KAT6A: variants seen among roughly 807,000 people sequenced by gnomAD.
KAT6A encodes lysine acetyltransferase 6A.
Under a neutral mutation model 198.4 loss-of-function variants are expected in KAT6A, and 9 were observed. The ratio of observed to expected loss-of-function variants is 0.05; its 90% CI spans 0.03 to 0.08. KAT6A has a LOEUF of 0.08. Among genes scored for constraint, KAT6A ranks in the 10% least tolerant of loss-of-function variants. KAT6A has a pLI of 1.00. For missense variants in KAT6A, 2,077 were observed against 2,509.9 expected (o/e 0.83, Z 3.69); for synonymous variants, 890 against 883.0 (o/e 1.01, Z -0.14).
chr8:42,011,035 C>T (rs78995461), intron 2 of KAT6A, among the ~76,000 whole-genome samples: 500 of 152,280 alleles, frequency 3.3e-3, no homozygotes, highest in Non-Finnish European at 5.7e-3. Flanking sequence ...ATTCCCAGAT[C>T]AGTTGTCCCC....
chr8:42,018,604 T>C (rs1325048074), intron 2 of KAT6A, among the ~76,000 whole-genome samples: 2 of 152,140 alleles, frequency 1.3e-5, no homozygotes, highest in African/African-American at 4.8e-5. Flanking sequence ...AAATTATATG[T>C]ATCAACACTT....
chr8:41,967,916 C>G (rs368375434), intron 8 of KAT6A, among the ~76,000 whole-genome samples: 114 of 151,832 alleles, frequency 7.5e-4, no homozygotes, highest in Middle Eastern at 3.4e-3. Flanking sequence ...AAACTGGCTA[C>G]CCATATGTAG....
intron 2 of KAT6A, among the ~76,000 whole-genome samples, chr8:42,018,827 C>T (rs985838853): frequency 2.0e-5 from 3 of 151,262 alleles, no homozygotes; most frequent in Non-Finnish European, 3.0e-5. Flanking sequence ...AGGCTGAGGC[C>T]GGAGAATAGC....
chr8:42,014,446 A>G (rs1452185486), intron 2 of KAT6A, among the ~76,000 whole-genome samples: 2 of 152,240 alleles, frequency 1.3e-5, no homozygotes, highest in Non-Finnish European at 2.9e-5. Flanking sequence ...AAGATAAAAT[A>G]CCAGTTAAAT....
chr8:41,979,016 T>C (rs905520170), intron 5 of KAT6A, among the ~76,000 whole-genome samples: 3 of 152,306 alleles, frequency 2.0e-5, no homozygotes, highest in South Asian at 2.1e-4. Flanking sequence ...CTGACTGCAC[T>C]TGAAGTCCAC....
In KAT6A at chr8:41,932,458, G is replaced by A; in HGVS notation, c.5762C>T (p.Ala1921Val). 6.2e-7 allele frequency: 1 copy of A among 1,614,204 alleles called. No homozygotes were observed. Among genetic ancestry groups the A allele is most frequent in the Non-Finnish European group, 8.5e-7 (1 of 1,180,018 alleles). ...VNSMNMNTLN[A>V]MNSYRMTQPM... ...CTGTGTCATTCGATAGCTGTTCATG[G>A]CATTCAAGGTGTTCATATTCATGGA... The change falls in exon 17 of 17, where the codon GCC becomes GTC. Residue 1921 changes from alanine to valine, a missense_variant. By Grantham distance (64) the Ala-to-Val change is moderately conservative. Coordinates refer to ENST00000265713, the MANE Select transcript of KAT6A (RefSeq NM_006766.5).
At chr8:42,035,385 G>A (rs1046388591) in intron 2 of KAT6A, among the ~76,000 whole-genome samples, 5 of 152,158 alleles carry the variant, frequency 3.3e-5, no homozygotes, top group African/African-American at 7.2e-5. Flanking sequence ...CAAGTCCAGA[G>A]ATCAGAAGAG....
In KAT6A at chr8:41,970,089, T is replaced by A. The variant is rs1823709424; in HGVS notation, c.1482+4615A>T. Reference sequence around the variant, plus strand: ...GTTTGTAAGTACAGTTTTATTTTTATGAGTGTTTATTATCTGTCTGTTTGT... The same window carrying A: ...GTTTGTAAGTACAGTTTTATTTTTAAGAGTGTTTATTATCTGTCTGTTTGT... On this transcript the variant is annotated intron_variant, in intron 8 of 16. Transcript: ENST00000265713. Among the ~76,000 whole-genome samples the A allele has an allele frequency of 2.1e-5, 3 of 143,722 alleles. No individual in the cohort carries two copies. The South Asian group carries it at 7.0e-4, about 33-fold the overall frequency. 94.3% of individuals were successfully genotyped at this position (143,722 alleles called of 152,430 possible).
chr8:42,010,046 C>T (rs367938588), intron 2 of KAT6A, among the ~76,000 whole-genome samples: 2 of 152,000 alleles, frequency 1.3e-5, no homozygotes, highest in East Asian at 3.8e-4. Context: ...CACCTGTAAT[C>T]GCAGCACTTT....
At chr8:42,042,134 A>G (rs1450129777) in intron 2 of KAT6A, among the ~76,000 whole-genome samples, 1 of 152,134 alleles carries the variant, frequency 6.6e-6, no homozygotes, top group Non-Finnish European at 1.5e-5. Context: ...CTAAATCAAA[A>G]CTTCATCACT....
intron 8 of KAT6A, among the ~76,000 whole-genome samples, chr8:41,972,895 T>C (rs557820615): frequency 6.6e-6 from 1 of 152,342 alleles, no homozygotes; most frequent in Non-Finnish European, 1.5e-5. Context: ...ACTGCCTCCT[T>C]TCAGTTCCCA....
intron 2 of KAT6A, among the ~76,000 whole-genome samples, chr8:42,033,743 A>G (rs1827242534): frequency 6.6e-6 from 1 of 151,882 alleles, no homozygotes; most frequent in African/African-American, 2.4e-5. Context: ...TGCTTTACCT[A>G]CTCTGTCACT....
chr8:42,016,350 A>T (rs1278937448), intron 2 of KAT6A, among the ~76,000 whole-genome samples: 2 of 152,246 alleles, frequency 1.3e-5, no homozygotes, highest in Non-Finnish European at 2.9e-5. Flanking sequence ...AATGCAGGCA[A>T]TATAAAAATT....
At position 41,932,526 on chromosome 8, in the gene KAT6A, G is replaced by A; in HGVS notation, c.5694C>T (p.Asn1898=). 6.2e-7 allele frequency: 1 copy of A among 1,614,238 alleles called. No homozygotes were observed. Among genetic ancestry groups the A allele is most frequent in the Non-Finnish European group, 8.5e-7 (1 of 1,180,046 alleles). The part of the protein sequence containing the change: ...PRALAVQRGM[N]MGVNLMPTPA... ...GAGTAGGCATCAGATTAACCCCCAT[G>A]TTCATGCCACGCTGAACAGCCAGTG... is the stretch of plus-strand genomic sequence containing the variant. The change falls in exon 17 of 17, where the codon AAC becomes AAT. Residue 1898 remains asparagine, a synonymous_variant. Transcript: ENST00000265713.
In KAT6A at chr8:41,932,159, C is replaced by T. The variant is rs1305685188; in HGVS notation, c.*46G>A. The T allele has an allele frequency of 7.0e-7, 1 of 1,432,204 alleles. No homozygotes were observed. The highest frequency in any genetic ancestry group is 9.2e-7 in the Non-Finnish European group (1 of 1,086,598). 88.7% of individuals were successfully genotyped at this position (1,432,204 alleles called of 1,614,324 possible). On this transcript the variant is annotated 3_prime_UTR_variant, in exon 17 of 17. Transcript: ENST00000265713. ...CTCTGGTTTGTCAGTATAAAAGGTT[C>T]CTTTATTTATATATATTTAAGTTTT...
At chr8:41,987,871 A>T (rs1564045207) in intron 2 of KAT6A, among the ~76,000 whole-genome samples, 1 of 152,356 alleles carries the variant, frequency 6.6e-6, no homozygotes, top group South Asian at 2.1e-4. Flanking sequence ...GAAAAATTCA[A>T]CTGGAATAAG....
Position 41,946,233 on chromosome 8 carries a change from G to A in KAT6A, c.1996+358C>T, listed in dbSNP as rs1020364435. Among the ~76,000 whole-genome samples the A allele has an allele frequency of 2.0e-5, 3 of 151,954 alleles. 1 individual carries two copies. Among genetic ancestry groups the A allele is most frequent in the East Asian group, 1.9e-4 (1 of 5,184 alleles). On this transcript the variant is annotated intron_variant, in intron 12 of 16. Transcript: ENST00000265713. Reference sequence around the variant, plus strand: ...CCTCTCACCTCTGCTTCCTGAGTAGGTGGAACCCTAGGTACATGCCATCAT... The same window carrying A: ...CCTCTCACCTCTGCTTCCTGAGTAGATGGAACCCTAGGTACATGCCATCAT...
At chr8:42,017,285 A>G (rs1342853456) in intron 2 of KAT6A, among the ~76,000 whole-genome samples, 1 of 152,210 alleles carries the variant, frequency 6.6e-6, no homozygotes, top group Non-Finnish European at 1.5e-5. Flanking sequence ...ATTTCAAACC[A>G]CTATGAGCCA....
rs879053303 is a variant in KAT6A, at chr8:41,932,753, G to A, written c.5467C>T (p.Leu1823Phe). The change falls in exon 17 of 17, where the codon CTC becomes TTC. Residue 1823 changes from leucine (L) to phenylalanine (F), a missense_variant. Physicochemically the swap from Leu to Phe is conservative, Grantham distance 22. Transcript: ENST00000265713. ...PPNLASTTMN[L>F]TSPLLQCNMS... Reference sequence around the variant, plus strand: ...TTGCACTGAAGCAGAGGAGATGTGAGGTTCATGGTAGTGGATGCCAAGTTT... The same window carrying A: ...TTGCACTGAAGCAGAGGAGATGTGAAGTTCATGGTAGTGGATGCCAAGTTT... The A allele has an allele frequency of 1.2e-6, 2 of 1,614,240 alleles. No individual in the cohort carries two copies. Among genetic ancestry groups the A allele is most frequent in the East Asian group, 4.5e-5 (2 of 44,882 alleles).
Sources: allele counts gnomAD v4.1 joint callset (sites outside exome capture counted in the v4.1 genomes callset), GRCh38; gene constraint gnomAD v4.1.1; transcripts MANE v1.5; gene names NCBI Gene and HGNC (gene_info 2026-07-23, HGNC 2026-07-21).